Variants in SPI1 observed in about 807,000 individuals in gnomAD.
SPI1 encodes Spi-1 proto-oncogene, also known as transcription factor PU.1.
SPI1 carries 3 observed loss-of-function variants against 30.7 expected under a neutral mutation model. That is an observed-to-expected ratio of 0.10 (90% CI 0.04 to 0.25). The LOEUF is 0.25. Ranked by LOEUF, SPI1 falls within the 10% of genes least tolerant of loss-of-function variation. The probability of loss-of-function intolerance (pLI) is 1.00; values close to 1 mark genes in which losing one functional copy is unlikely to be tolerated. For synonymous variants in SPI1, 169 were observed against 157.1 expected, an observed-to-expected ratio of 1.08 and a Z score of -0.56; for missense variants, 261 against 371.5, an observed-to-expected ratio of 0.70 and a Z score of 2.45.
intron 4 of SPI1, among the ~76,000 whole-genome samples, chr11:47,357,619 G>A (rs147807448): frequency 6.6e-6 from 1 of 152,030 alleles, no homozygotes; most frequent in African/African-American, 2.4e-5. Flanking sequence ...AGGCTGGAGT[G>A]CAATGGCACG....
rs1469683422 is a variant in SPI1 at position 47,360,000 on chromosome 11, C to T, written c.183G>A (p.Glu61=). ...AGTTGTTCTCGGCGAAGCTCTCGAACTCGCTGTGCACGTGGTGGGGGTGGA... is the reference window on the plus strand; with the variant it reads ...AGTTGTTCTCGGCGAAGCTCTCGAATTCGCTGTGCACGTGGTGGGGGTGGA... ...WDFHPHHVHS[E]FESFAENNFT... is the part of the protein sequence containing the mutation. Residue 61 remains glutamate (E), a synonymous_variant, in exon 3 of 5, where the codon GAG becomes GAA. Coordinates refer to ENST00000378538, the MANE Select transcript of SPI1 (RefSeq NM_003120.3). This position sits in a 1 kb window ranked among gnomAD's most constrained non-coding sequence, Gnocchi z 5.1. 5 of 1,600,286 alleles carry T rather than the reference C, an allele frequency of 3.1e-6. No homozygotes were observed. Among genetic ancestry groups the T allele is most frequent in the African/African-American group, 2.7e-5 (2 of 74,726 alleles).
At chr11:47,372,215 C>T (rs1033814391) in intron 2 of SPI1, among the ~76,000 whole-genome samples, 4 of 152,042 alleles carry the variant, frequency 2.6e-5, no homozygotes, top group Non-Finnish European at 5.9e-5. Context: ...AGCGATTCTC[C>T]TGCCTCAGCC....
chr11:47,361,300 G>A (rs942374893), intron 2 of SPI1, among the ~76,000 whole-genome samples: 2 of 152,078 alleles, frequency 1.3e-5, no homozygotes, highest in Non-Finnish European at 2.9e-5. Context: ...AACTTGTCCA[G>A]GCACACGGTG....
rs1162017303 is a variant in SPI1, at chr11:47,374,179, C to T, written c.142+1454G>A. On this transcript the variant is annotated intron_variant, in intron 2 of 4. Transcript: ENST00000378538. The surrounding 1 kb of genome is among the most constrained non-coding windows in gnomAD (Gnocchi z 4.5). Reference sequence around the variant, plus strand: ...GTGCGTGGTCTCTGGGTCCCCCAGACCGGGCTCTTCACTCTGGTAGGGAGA... The same window carrying T: ...GTGCGTGGTCTCTGGGTCCCCCAGATCGGGCTCTTCACTCTGGTAGGGAGA... 2.6e-5 allele frequency among the ~76,000 whole-genome samples: 4 copies of T among 152,188 alleles called. No homozygotes were observed. The highest frequency in any genetic ancestry group is 5.9e-5 in the Non-Finnish European group (4 of 68,036).
At chr11:47,365,241 A>G (rs2095926615) in intron 2 of SPI1, among the ~76,000 whole-genome samples, 1 of 152,096 alleles carries the variant, frequency 6.6e-6, no homozygotes, top group South Asian at 2.1e-4. Context: ...GGTCACCCAT[A>G]TGCCCCCTTA....
At position 47,375,802 on chromosome 11, in the gene SPI1, G is replaced by A. The variant is rs56030824; in HGVS notation, c.46-73C>T. On this transcript the variant is annotated intron_variant, in intron 1 of 4. Transcript: ENST00000378538. The surrounding 1 kb of genome is among the most constrained non-coding windows in gnomAD (Gnocchi z 4.2). ...AGCCAGGCCTGCAGCACCCCCGCAC[G>A]CTGGGTCCCCATCACCTTCCCTGGC... The A allele has an allele frequency of 0.31, 366,154 of 1,188,016 alleles. 58,986 individuals carry two copies. The highest frequency in any genetic ancestry group is 0.38 in the Admixed American group (22,251 of 58,858). The allele number at this position is 1,188,016 out of a possible 1,614,324, so 73.6% of individuals were successfully genotyped here.
Position 47,361,699 on chromosome 11 carries a change from G to A in SPI1, c.143-1659C>T, listed in dbSNP as rs534412261. ...CAGCCATGCGTGCGTGTGTACGTGT[G>A]TACAAAGGTGTACACATGTCTGCCT... On this transcript the variant is annotated intron_variant, in intron 2 of 4. Coordinates refer to ENST00000378538, the MANE Select transcript of SPI1 (RefSeq NM_003120.3). 3.9e-5 allele frequency among the ~76,000 whole-genome samples: 6 copies of A among 152,294 alleles called. No homozygotes were observed. The South Asian group carries it at 1.2e-3, about 32-fold the overall frequency.
chr11:47,376,106 C>T (rs192235698), intron 1 of SPI1, among the ~76,000 whole-genome samples: 15 of 152,096 alleles, frequency 9.9e-5, no homozygotes, highest in Non-Finnish European at 2.2e-4. Context: ...CACTCATAAT[C>T]CCACACGAGG....
In SPI1 at chr11:47,356,438, GCA is replaced by G. The variant is rs571820381; in HGVS notation, c.494-894_494-893del. 3.3e-4 allele frequency among the ~76,000 whole-genome samples: 49 copies of G among 149,176 alleles called. No individual in the cohort carries two copies. In the East Asian group the frequency reaches 6.2e-3, roughly 19 times the overall value. The stretch of plus-strand genomic sequence containing the variant: ...ACCCAATGCACCCACTCACACACAT[GCA>G]CACACACTCAGACCCACTTACTGCC... On this transcript the variant is annotated intron_variant, in intron 4 of 4. Coordinates refer to ENST00000378538, the MANE Select transcript of SPI1 (RefSeq NM_003120.3).
At position 47,375,101 on chromosome 11, in the gene SPI1, C is replaced by G. The variant is rs1458258796; in HGVS notation, c.142+532G>C. On this transcript the variant is annotated intron_variant, in intron 2 of 4. Transcript: ENST00000378538. The surrounding 1 kb of genome is among the most constrained non-coding windows in gnomAD (Gnocchi z 4.2). ...GATGCCACTAAGCTTCCTACGGTAC[C>G]CGGGACAGCCCACCCAGGAATCATC... Among the ~76,000 whole-genome samples, 1 of 152,158 alleles carries G rather than the reference C, an allele frequency of 6.6e-6. No individual in the cohort carries two copies. The highest frequency in any genetic ancestry group is 6.5e-5 in the Admixed American group (1 of 15,288).
chr11:47,376,038 A>G (rs571673818), intron 1 of SPI1, among the ~76,000 whole-genome samples: 1 of 151,718 alleles, frequency 6.6e-6, no homozygotes, highest in South Asian at 2.1e-4. Context: ...TCCTCATCCC[A>G]CACACCTCTC....
rs1382788496 is a variant in SPI1 at position 47,355,086 on chromosome 11, A to AGGGGGGTGGGGGGGGGGGG, written c.*140_*141insCCCCCCCCCCCCACCCCCC. On this transcript the variant is annotated 3_prime_UTR_variant, in exon 5 of 5. Transcript: ENST00000378538. Reference sequence around the variant, plus strand: ...TGTGGAGGGGGCCTGGAGTGGGGGGAGGGGGCGGGTGAGGCGAGGCCCGGC... The same window carrying AGGGGGGTGGGGGGGGGGGG: ...TGTGGAGGGGGCCTGGAGTGGGGGGAGGGGGGTGGGGGGGGGGGGGGGGGCGGGTGAGGCGAGGCCCGGC... 1 of 324,550 alleles carries AGGGGGGTGGGGGGGGGGGG rather than the reference A, an allele frequency of 3.1e-6. No individual in the cohort carries two copies. Among genetic ancestry groups the AGGGGGGTGGGGGGGGGGGG allele is most frequent in the Admixed American group, 1.5e-4 (1 of 6,864 alleles). The allele number at this position is 324,550 out of a possible 1,614,324, so 20.1% of individuals were successfully genotyped here. A position where few individuals can be genotyped will look rare whatever the true frequency, so the allele number is the denominator to read the frequency against.
intron 4 of SPI1, 83 bp from the exon 5 acceptor site, chr11:47,355,629 C>G (rs796362296): frequency 8.1e-7 from 1 of 1,238,368 alleles, no homozygotes; most frequent in Non-Finnish European, 1.1e-6. Context: ...CACAGGGGCC[C>G]GGGGACGGGG....
chr11:47,364,370 C>G (rs1177377742), intron 2 of SPI1, among the ~76,000 whole-genome samples: 1 of 152,122 alleles, frequency 6.6e-6, no homozygotes, highest in Non-Finnish European at 1.5e-5. Context: ...AGTGAGCTAA[C>G]AGGATCCCGA....
At chr11:47,356,556 A>G (rs750437612) in intron 4 of SPI1, among the ~76,000 whole-genome samples, 20 of 151,072 alleles carry the variant, frequency 1.3e-4, no homozygotes, top group Non-Finnish European at 2.4e-4. Flanking sequence ...TCACACACTC[A>G]TGTTCACACA....
chr11:47,357,346 TA>T (rs2095912750), intron 4 of SPI1, among the ~76,000 whole-genome samples: 2 of 20,604 alleles, frequency 9.7e-5, no homozygotes, highest in Non-Finnish European at 2.2e-4. Context: ...TGCTCACTCA[TA>T]TTTCACACCA....
At chr11:47,372,109 T>C (rs2142896179) in intron 2 of SPI1, among the ~76,000 whole-genome samples, 1 of 151,436 alleles carries the variant, frequency 6.6e-6, no homozygotes, top group Non-Finnish European at 1.5e-5. Flanking sequence ...CTGATTCTTT[T>C]TTTTTTTTTT....
chr11:47,364,272 G>A (rs1024935168), intron 2 of SPI1, among the ~76,000 whole-genome samples: 2 of 151,872 alleles, frequency 1.3e-5, no homozygotes, highest in African/African-American at 4.8e-5. Context: ...GGATGGTCGC[G>A]ATCTCCTGAC....
chr11:47,356,194 C>T (rs767311266), intron 4 of SPI1, among the ~76,000 whole-genome samples: 7 of 151,620 alleles, frequency 4.6e-5, no homozygotes, highest in Admixed American at 3.3e-4. Flanking sequence ...CCACACAATG[C>T]ACCAGCTCAC....
Sources: allele counts gnomAD v4.1 joint callset (sites outside exome capture counted in the v4.1 genomes callset), GRCh38; gene constraint gnomAD v4.1.1; non-coding constraint Gnocchi (gnomAD v3.1); transcripts MANE v1.5; gene names NCBI Gene and HGNC (gene_info 2026-07-23, HGNC 2026-07-21).